Variants in ZNF782 observed in about 807,000 individuals in gnomAD.
The protein encoded by ZNF782 is zinc finger protein 782.
A neutral mutation model predicts 13.0 loss-of-function variants in ZNF782; 12 were observed. The observed-to-expected ratio is 0.92, with a 90% CI of 0.59 to 1.50. ZNF782 has a LOEUF of 1.50. ZNF782 is among the 40% of genes most tolerant of loss of function. ZNF782 has a pLI of 0.00. For missense variants in ZNF782, 770 were observed against 822.9 expected (o/e 0.94, Z 0.79); for synonymous variants, 284 against 283.0 (o/e 1.00, Z -0.04).
chr9:96,933,230 G>C, the ZNF782 span, among the ~76,000 whole-genome samples: 2 of 149,682 alleles, frequency 1.3e-5, no homozygotes, highest in South Asian at 4.2e-4. Flanking sequence ...CTCCCGCCTC[G>C]GCCTCCCAAA....
the ZNF782 span, among the ~76,000 whole-genome samples, chr9:96,883,757 T>C: frequency 2.6e-5 from 4 of 151,960 alleles, no homozygotes; most frequent in Admixed American, 2.0e-4. Flanking sequence ...AACAAAACAA[T>C]AAACAAGCAT....
upstream of ZNF782, among the ~76,000 whole-genome samples, chr9:96,875,921 C>G (rs1851887646): frequency 1.3e-5 from 2 of 152,230 alleles, no homozygotes; most frequent in Non-Finnish European, 2.9e-5. Context: ...AGACCCTTTC[C>G]TAGAGTGTGG....
chr9:96,862,781 T>G (rs6477733), intron 1 of ZNF782, among the ~76,000 whole-genome samples: 30,017 of 152,176 alleles, frequency 0.2, 7,405 homozygotes, highest in African/African-American at 0.57. Context: ...CACTACAGTT[T>G]TCGTCACTGT....
intron 1 of ZNF782, among the ~76,000 whole-genome samples, chr9:96,863,168 G>T (rs183255350): frequency 3.4e-4 from 51 of 152,098 alleles, no homozygotes; most frequent in Admixed American, 8.5e-4. Flanking sequence ...GTCTCTTTTT[G>T]ACTGTAAATT....
intron 4 of ZNF782, among the ~76,000 whole-genome samples, chr9:96,841,120 G>A (rs1851176658): frequency 6.6e-6 from 1 of 151,952 alleles, no homozygotes; most frequent in Non-Finnish European, 1.5e-5. Flanking sequence ...GGAATGGTCT[G>A]AACATCTTTA....
chr9:96,863,799 G>A (rs193045658), intron 1 of ZNF782, among the ~76,000 whole-genome samples: 1 of 152,142 alleles, frequency 6.6e-6, no homozygotes, highest in South Asian at 2.1e-4. Flanking sequence ...TTATAGGTGG[G>A]AGCTAAGCTA....
chr9:96,911,584 G>A, the ZNF782 span, among the ~76,000 whole-genome samples: 3 of 144,762 alleles, frequency 2.1e-5, no homozygotes, highest in Non-Finnish European at 3.0e-5. Context: ...GCAGTGGCGC[G>A]ATCTCGGCTC....
rs761298871 is a variant in ZNF782 at position 96,818,630 on chromosome 9, G to A, written c.1393C>T (p.Leu465Phe). Residue 465 changes from leucine to phenylalanine, a missense_variant, in exon 6 of 6, where the codon CTC becomes TTC. Coordinates refer to ENST00000481138, the MANE Select transcript of ZNF782 (RefSeq NM_001001662.3). ...GTGTGAGTTCTCTGATGCACTATGA[G>A]GATTGACTTATAGTTAAAAGATTTC... Reference protein sequence around the residue: ...CGKSFNYKSILIVHQRTHTGE... With the variant: ...CGKSFNYKSIFIVHQRTHTGE... 1 of 1,613,552 alleles carries A rather than the reference G, an allele frequency of 6.2e-7. No homozygotes were observed.
chr9:96,829,435 T>A (rs916721034), intron 4 of ZNF782, among the ~76,000 whole-genome samples: 11 of 152,124 alleles, frequency 7.2e-5, no homozygotes, highest in Non-Finnish European at 1.5e-4. Flanking sequence ...CAATCACAAA[T>A]GTTTTTCCAT....
upstream of ZNF782, among the ~76,000 whole-genome samples, chr9:96,856,018 G>A (rs1851637473): frequency 1.3e-5 from 2 of 152,082 alleles, no homozygotes; most frequent in Non-Finnish European, 2.9e-5. Context: ...TTTTTCATAT[G>A]TTTGTTGGCC....
chr9:96,877,635 C>A (rs1168562839), upstream of ZNF782, among the ~76,000 whole-genome samples: 1 of 152,218 alleles, frequency 6.6e-6, no homozygotes, highest in African/African-American at 2.4e-5. Context: ...GGCTGGGGTT[C>A]GGGCGGGGTC....
In ZNF782 at chr9:96,818,988, C is replaced by G; in HGVS notation, c.1035G>C (p.Glu345Asp). The G allele has an allele frequency of 2.5e-6, 4 of 1,614,120 alleles. No homozygotes were observed. Among genetic ancestry groups the G allele is most frequent in the Non-Finnish European group, 3.4e-6 (4 of 1,179,994 alleles). Reference sequence around the variant, plus strand: ...TGAAAGTTGACTGGTAGCTGAATGTCTCTGTACATGGGTGATAATCAGAGT... The same window carrying G: ...TGAAAGTTGACTGGTAGCTGAATGTGTCTGTACATGGGTGATAATCAGAGT... ...DKYSDYHPCT[E>D]TFSYQSTFSV... The change falls in exon 6 of 6, where the codon GAG becomes GAC. Residue 345 changes from glutamate (E) to aspartate (D), a missense_variant. Physicochemically the swap from Glu to Asp is conservative, Grantham distance 45. Transcript: ENST00000481138.
At chr9:96,911,438 CAAAAAAAAAAAAAA>C in the ZNF782 span, among the ~76,000 whole-genome samples, 1 of 28,232 alleles carries the variant, frequency 3.5e-5, no homozygotes, top group Non-Finnish European at 6.5e-5. Context: ...GACTCTGTCT[CAAAAAAAAAAAAAA>C]AAAAAAAAAG....
the ZNF782 span, chr9:96,888,548 TAA>T: frequency 1.8e-4 from 27 of 152,204 alleles, no homozygotes; most frequent in African/African-American, 5.8e-4. Flanking sequence ...AAAAACAAAT[TAA>T]GAGTGTGTTT....
chr9:96,849,233 TAAG>T (rs1487356649), intron 3 of ZNF782, among the ~76,000 whole-genome samples: 7 of 152,210 alleles, frequency 4.6e-5, no homozygotes, highest in Non-Finnish European at 8.8e-5. Context: ...TAGATTCTCA[TAAG>T]AAGCACCCAA....
At chr9:96,834,917 T>C (rs1447329301) in intron 4 of ZNF782, among the ~76,000 whole-genome samples, 1 of 152,224 alleles carries the variant, frequency 6.6e-6, no homozygotes, top group Non-Finnish European at 1.5e-5. Flanking sequence ...GAGGCTCAGA[T>C]GAAGACAGGA....
At chr9:96,860,991 A>C (rs1851696466) in intron 2 of ZNF782, among the ~76,000 whole-genome samples, 1 of 152,248 alleles carries the variant, frequency 6.6e-6, no homozygotes, top group South Asian at 2.1e-4. Flanking sequence ...TCACGCCTGT[A>C]ATCCCAGCAC....
chr9:96,875,927 T>C (rs1851887794), upstream of ZNF782, among the ~76,000 whole-genome samples: 1 of 152,164 alleles, frequency 6.6e-6, no homozygotes. Context: ...TTTCCTAGAG[T>C]GTGGCGCGCG....
the ZNF782 span, among the ~76,000 whole-genome samples, chr9:96,930,252 C>T: frequency 2.0e-5 from 3 of 152,022 alleles, no homozygotes; most frequent in African/African-American, 4.8e-5. Context: ...TGGCCGGGCG[C>T]GGTGGCTCAC....
Sources: allele counts gnomAD v4.1 joint callset (sites outside exome capture counted in the v4.1 genomes callset), GRCh38; gene constraint gnomAD v4.1.1; transcripts MANE v1.5; gene names NCBI Gene and HGNC (gene_info 2026-07-23, HGNC 2026-07-21).